GRM7: variants seen among roughly 807,000 people sequenced by gnomAD.
GRM7 encodes glutamate metabotropic receptor 7.
In GRM7, 35 loss-of-function variants were observed where a neutral mutation model predicts 84.5. The observed-to-expected ratio is 0.41, with a 90% CI of 0.32 to 0.55. GRM7 has a LOEUF of 0.55. GRM7 is among the 20% of genes least tolerant of loss of function. The pLI is 0.19. For synonymous variants in GRM7, 487 were observed against 455.1 expected (o/e 1.07, Z -0.89); for missense variants, 1,003 against 1,194.6 (o/e 0.84, Z 2.36).
chr3:7,130,162 A>G (rs2125052082), intron 1 of GRM7, among the ~76,000 whole-genome samples: 1 of 152,292 alleles, frequency 6.6e-6, no homozygotes, highest in Middle Eastern at 3.4e-3. Context: ...CCTGACTAAA[A>G]CGTCCCTTAT....
intron 1 of GRM7, among the ~76,000 whole-genome samples, chr3:7,097,026 C>G (rs1020585297): frequency 9.2e-5 from 14 of 152,048 alleles, no homozygotes; most frequent in Non-Finnish European, 1.5e-5. Flanking sequence ...CACAAAATGC[C>G]TAAATATGAA....
intron 1 of GRM7, among the ~76,000 whole-genome samples, chr3:6,912,839 C>G (rs553990854): frequency 1.8e-4 from 28 of 152,152 alleles, no homozygotes; most frequent in African/African-American, 6.7e-4. Context: ...AAATTTATGT[C>G]AAAATAGGTT....
intron 8 of GRM7, among the ~76,000 whole-genome samples, chr3:7,661,794 C>CAAAAAAAAAA (rs71043686): frequency 0.013 from 373 of 28,172 alleles, 52 homozygotes; most frequent in East Asian, 0.057. Flanking sequence ...GTCTCCGTCT[C>CAAAAAAAAAA]AAAAAAAAAA....
At chr3:6,921,974 G>A (rs1293597075) in intron 1 of GRM7, among the ~76,000 whole-genome samples, 9 of 152,152 alleles carry the variant, frequency 5.9e-5, no homozygotes, top group Non-Finnish European at 7.4e-5. Context: ...CTCAATAGAC[G>A]TCATGGTTGT....
intron 7 of GRM7, among the ~76,000 whole-genome samples, chr3:7,537,793 C>A (rs543069951): frequency 6.6e-6 from 1 of 152,168 alleles, no homozygotes; most frequent in African/African-American, 2.4e-5. Flanking sequence ...ACTAGGCATG[C>A]AGATGTATAT....
chr3:7,146,611 G>A lies in GRM7; in HGVS notation c.679G>A (p.Glu227Lys). Residue 227 changes from glutamate to lysine, a missense_variant, in exon 2 of 10, where the codon GAA becomes AAA. Around this residue, in one of 2 missense-constraint regions of GRM7, gnomAD observed 910 missense variants for 1,126.0 expected, o/e 0.81. Transcript: ENST00000357716. ...GAATTATGTGTCTACCCTCGCATCG[G>A]AAGGAAGTTATGGAGAGAAAGGTGT... ...GWNYVSTLAS[E>K]GSYGEKGVES... 6.2e-7 allele frequency: 1 copy of A among 1,614,036 alleles called. No homozygotes were observed. The highest frequency in any genetic ancestry group is 1.3e-5 in the African/African-American group (1 of 75,034).
At position 7,020,063 on chromosome 3, in the gene GRM7, G is replaced by A. The variant is rs565305528; in HGVS notation, c.520-126389G>A. 1.1e-4 allele frequency among the ~76,000 whole-genome samples: 17 copies of A among 152,244 alleles called. 1 individual carries two copies. The South Asian group carries it at 3.5e-3, about 32-fold the overall frequency. ...CGGGTTTCACCATATTGGCCAGGAT[G>A]GTCTTGATCTCTTGACCTCGTGATT... On this transcript the variant is annotated intron_variant, in intron 1 of 9. Coordinates refer to ENST00000357716, the MANE Select transcript of GRM7 (RefSeq NM_000844.4).
intron 2 of GRM7, among the ~76,000 whole-genome samples, chr3:7,156,219 A>C (rs754484939): frequency 6.6e-6 from 1 of 152,192 alleles, no homozygotes; most frequent in African/African-American, 2.4e-5. Context: ...CAGGATGCTA[A>C]GTATGGGGGG....
intron 4 of GRM7, among the ~76,000 whole-genome samples, chr3:7,310,553 A>T: frequency 6.6e-6 from 1 of 152,082 alleles, no homozygotes; most frequent in Admixed American, 6.6e-5. Context: ...GTGAATGGGG[A>T]AAAAAAATGA....
chr3:7,728,740 G>A (rs1702214136), intron 9 of GRM7, among the ~76,000 whole-genome samples: 1 of 152,186 alleles, frequency 6.6e-6, no homozygotes, highest in Admixed American at 6.5e-5. Flanking sequence ...GAAGGCAGAT[G>A]CTGTGGAAGT....
At position 7,682,945 on chromosome 3, in the gene GRM7, C is replaced by T. The variant is rs193173945; in HGVS notation, c.2698+2650C>T. On this transcript the variant is annotated intron_variant, in intron 9 of 9. Coordinates refer to ENST00000357716, the MANE Select transcript of GRM7 (RefSeq NM_000844.4). Reference sequence around the variant, plus strand: ...TATTTTACTGAGGAAACCTTGGCTTCCCAAGATTAAGTAACATTATCAAAG... The same window carrying T: ...TATTTTACTGAGGAAACCTTGGCTTTCCAAGATTAAGTAACATTATCAAAG... 6.4e-3 allele frequency among the ~76,000 whole-genome samples: 973 copies of T among 152,286 alleles called. 10 individuals are homozygous for T. The highest frequency in any genetic ancestry group is 9.6e-3 in the Admixed American group (147 of 15,296).
chr3:7,472,762 G>A (rs1038018401), intron 7 of GRM7, among the ~76,000 whole-genome samples: 5 of 152,154 alleles, frequency 3.3e-5, no homozygotes, highest in Non-Finnish European at 7.3e-5. Flanking sequence ...CCCACCTTAT[G>A]TGAATTCATT....
At chr3:7,144,255 T>G (rs1000063630) in intron 1 of GRM7, among the ~76,000 whole-genome samples, 14 of 152,160 alleles carry the variant, frequency 9.2e-5, no homozygotes, top group African/African-American at 3.4e-4. Context: ...GTAATATTCT[T>G]CCAAGCCTCA....
At chr3:6,906,603 T>C (rs914044533) in intron 1 of GRM7, among the ~76,000 whole-genome samples, 2 of 152,080 alleles carry the variant, frequency 1.3e-5, no homozygotes, top group African/African-American at 4.8e-5. Flanking sequence ...TTAGATCACA[T>C]AGACTTAGAC....
In GRM7 at chr3:7,457,798, A is replaced by G. The variant is rs372767120; in HGVS notation, c.1376-3785A>G. On this transcript the variant is annotated intron_variant, in intron 6 of 9. Transcript: ENST00000357716. The stretch of plus-strand genomic sequence containing the variant: ...AGCTTAGATGCCCCACTGATGGGCC[A>G]CATGTAGCCACATATTCTGGCTACA... 9.8e-4 allele frequency among the ~76,000 whole-genome samples: 150 copies of G among 152,300 alleles called. 5 individuals are homozygous for G. In the South Asian group the frequency reaches 0.026, roughly 26 times the overall value.
intron 8 of GRM7, among the ~76,000 whole-genome samples, chr3:7,674,736 T>C (rs968366923): frequency 3.1e-4 from 47 of 152,236 alleles, no homozygotes; most frequent in African/African-American, 1.1e-3. Context: ...AGCTTTCTGA[T>C]GGCGGGAAGC....
At chr3:7,122,003 T>A (rs1693242409) in intron 1 of GRM7, among the ~76,000 whole-genome samples, 1 of 152,186 alleles carries the variant, frequency 6.6e-6, no homozygotes, top group Non-Finnish European at 1.5e-5. Context: ...TCACCTTCCA[T>A]CCTTTTGCCA....
chr3:7,548,459 C>T (rs1209695956), intron 7 of GRM7, among the ~76,000 whole-genome samples: 1 of 152,182 alleles, frequency 6.6e-6, no homozygotes, highest in East Asian at 1.9e-4. Context: ...TATAAATTTC[C>T]CAGCCTCAGG....
intron 8 of GRM7, among the ~76,000 whole-genome samples, chr3:7,641,274 C>T (rs1277467319): frequency 6.6e-6 from 1 of 152,012 alleles, no homozygotes; most frequent in African/African-American, 2.4e-5. Context: ...ATTTTGAGAC[C>T]AATTATCTGC....
Sources: allele counts gnomAD v4.1 joint callset (sites outside exome capture counted in the v4.1 genomes callset), GRCh38; gene constraint gnomAD v4.1.1; regional missense constraint gnomAD v4.1.1; transcripts MANE v1.5; gene names NCBI Gene and HGNC (gene_info 2026-07-23, HGNC 2026-07-21).